The following SIRPB1 variants were observed in gnomAD, a reference collection of about 807,000 sequenced individuals.
SIRPB1 encodes the protein signal regulatory protein beta 1.
A neutral mutation model predicts 34.1 loss-of-function variants in SIRPB1; 28 were observed. That is an observed-to-expected ratio of 0.82 (90% confidence interval 0.61 to 1.12). The LOEUF is 1.12. Among genes scored for constraint, SIRPB1 ranks in the 50% most tolerant of loss-of-function variants. The probability of loss-of-function intolerance (pLI) is 0.00; values close to 1 mark genes in which losing one functional copy is unlikely to be tolerated. For missense variants in SIRPB1, 499 were observed against 507.0 expected (o/e 0.98, Z 0.15); for synonymous variants, 211 against 203.8 (o/e 1.04, Z -0.30).
At chr20:1,617,334 C>T (rs2091644526) in intron 1 of SIRPB1, among the ~76,000 whole-genome samples, 1 of 152,102 alleles carries the variant, frequency 6.6e-6, no homozygotes, top group South Asian at 2.1e-4. Context: ...TTGGTATACA[C>T]AATGGAATTC....
At chr20:1,613,748 A>T (rs1312314341) in intron 1 of SIRPB1, among the ~76,000 whole-genome samples, 1 of 152,240 alleles carries the variant, frequency 6.6e-6, no homozygotes, top group Non-Finnish European at 1.5e-5. Flanking sequence ...AGACGTTATC[A>T]AATGTATCAA....
At chr20:1,565,858 T>C (rs2091121745) in intron 5 of SIRPB1, among the ~76,000 whole-genome samples, 1 of 151,936 alleles carries the variant, frequency 6.6e-6, no homozygotes, top group African/African-American at 2.4e-5. Context: ...GGCCCTCACT[T>C]AGACCCCTCT....
At chr20:1,596,552 G>T (rs1045894965) in intron 1 of SIRPB1, among the ~76,000 whole-genome samples, 1 of 48,764 alleles carries the variant, frequency 2.1e-5, no homozygotes, top group African/African-American at 1.3e-4. Context: ...GGACTGCCCT[G>T]TATTTAGTAT....
At chr20:1,572,509 A>G (rs2091257435) in intron 2 of SIRPB1, among the ~76,000 whole-genome samples, 1 of 150,746 alleles carries the variant, frequency 6.6e-6, no homozygotes, top group African/African-American at 2.4e-5. Context: ...TGACAACCCC[A>G]GCTCCTCATC....
In SIRPB1 at chr20:1,610,845, A is replaced by G. The variant is rs1168905593; in HGVS notation, c.76+9024T>C. Among the ~76,000 whole-genome samples the G allele has an allele frequency of 2.7e-5, 2 of 72,946 alleles. 1 individual carries two copies. Among genetic ancestry groups the G allele is most frequent in the Non-Finnish European group, 5.2e-5 (2 of 38,740 alleles). 47.9% of individuals were successfully genotyped at this position (72,946 alleles called of 152,430 possible). A position where few individuals can be genotyped will look rare whatever the true frequency, so the allele number is the denominator to read the frequency against. On this transcript the variant is annotated intron_variant, in intron 1 of 5. Transcript: ENST00000381605. Reference sequence around the variant, plus strand: ...TCATGAGCTGGACAGATTTCTCCTCATTAGAAGGGAAGAGAATGTAAGCTT... The same window carrying G: ...TCATGAGCTGGACAGATTTCTCCTCGTTAGAAGGGAAGAGAATGTAAGCTT...
At chr20:1,613,914 A>G (rs1182442098) in intron 1 of SIRPB1, among the ~76,000 whole-genome samples, 2 of 152,236 alleles carry the variant, frequency 1.3e-5, no homozygotes, top group Non-Finnish European at 2.9e-5. Flanking sequence ...GAACTCAAAA[A>G]TAAACTCAGA....
rs963437894 is a variant in SIRPB1, at chr20:1,564,470, G to T, written c.*1030C>A. The T allele has an allele frequency of 6.5e-6, 1 of 154,324 alleles. No homozygotes were observed. Among genetic ancestry groups the T allele is most frequent in the African/African-American group, 2.4e-5 (1 of 41,538 alleles). 9.6% of individuals were successfully genotyped at this position (154,324 alleles called of 1,614,324 possible). Reference sequence around the variant, plus strand: ...GGAGCCATGCAGCTGTGTTGGGGAAGAAGCAGAGAAGTGATATGATTTGAC... The same window carrying T: ...GGAGCCATGCAGCTGTGTTGGGGAATAAGCAGAGAAGTGATATGATTTGAC... On this transcript the variant is annotated 3_prime_UTR_variant, in exon 6 of 6. Coordinates refer to ENST00000381605, the MANE Select transcript of SIRPB1 (RefSeq NM_006065.5).
chr20:1,613,854 T>G (rs2091592486), intron 1 of SIRPB1, among the ~76,000 whole-genome samples: 1 of 152,134 alleles, frequency 6.6e-6, no homozygotes, highest in South Asian at 2.1e-4. Flanking sequence ...CTTCACAGAC[T>G]AGATAAAATA....
chr20:1,578,121 C>T (rs2091343450), intron 2 of SIRPB1: 1 of 576,328 alleles, frequency 1.7e-6, no homozygotes, highest in East Asian at 2.8e-5. Context: ...ACTGGGGATG[C>T]CTTCTGTCCC....
In SIRPB1 at chr20:1,586,850, G is replaced by A. The variant is rs2091425441; in HGVS notation, c.77-8156C>T. On this transcript the variant is annotated intron_variant, in intron 1 of 5. Transcript: ENST00000381605. ...CCACTGCACACGTGTGTGTGCGTGT[G>A]TGTGTACACATTCACAAATATATAT... Among the ~76,000 whole-genome samples the A allele has an allele frequency of 4.0e-5, 2 of 49,576 alleles. 1 individual carries two copies. The highest frequency in any genetic ancestry group is 7.8e-5 in the Non-Finnish European group (2 of 25,570). 32.5% of individuals were successfully genotyped at this position (49,576 alleles called of 152,430 possible). A position where few individuals can be genotyped will look rare whatever the true frequency, so the allele number is the denominator to read the frequency against.
rs184941870 is a variant in SIRPB1, at chr20:1,570,788, A to C, written c.1084+17T>G. 234 of 1,557,008 alleles carry C rather than the reference A, an allele frequency of 1.5e-4. 2 individuals are homozygous for C. The East Asian group carries it at 4.2e-3, about 28-fold the overall frequency. ...TTAAAGAAAAAGACAAAATTTAAAA[A>C]TGGGAAGTAACCGCACCATGGGTGA... On this transcript the variant is annotated intron_variant, in intron 4 of 5. Coordinates refer to ENST00000381605, the MANE Select transcript of SIRPB1 (RefSeq NM_006065.5).
intron 1 of SIRPB1, among the ~76,000 whole-genome samples, chr20:1,615,319 A>G (rs2091614160): frequency 6.6e-6 from 1 of 152,180 alleles, no homozygotes; most frequent in Non-Finnish European, 1.5e-5. Context: ...AGCTTTTGCT[A>G]TACTCCATTA....
chr20:1,598,913 G>C lies in SIRPB1; in HGVS notation c.77-20219C>G, dbSNP rs747849723. On this transcript the variant is annotated intron_variant, in intron 1 of 5. Transcript: ENST00000381605. ...CCCAGGAGGAAAGCTATGAGAAGTGGAGCAGCAGAAGCCAGTGCTGGGCCT... is the reference window on the plus strand; with the variant it reads ...CCCAGGAGGAAAGCTATGAGAAGTGCAGCAGCAGAAGCCAGTGCTGGGCCT... The C allele has an allele frequency of 6.1e-5, 35 of 571,250 alleles. 15 individuals are homozygous for C. Among genetic ancestry groups the C allele is most frequent in the Non-Finnish European group, 8.1e-5 (35 of 431,828 alleles). 35.4% of individuals were successfully genotyped at this position (571,250 alleles called of 1,614,324 possible). A position where few individuals can be genotyped will look rare whatever the true frequency, so the allele number is the denominator to read the frequency against.
chr20:1,571,047 C>T lies in SIRPB1; in HGVS notation c.842G>A (p.Gly281Glu). 1 of 1,614,172 alleles carries T rather than the reference C, an allele frequency of 6.2e-7. No homozygotes were observed. The highest frequency in any genetic ancestry group is 2.2e-5 in the East Asian group (1 of 44,882). Residue 281 changes from glycine to glutamate, a missense_variant, in exon 4 of 6, where the codon GGA becomes GAA. By Grantham distance (98) the Gly-to-Glu change is moderately conservative. Coordinates refer to ENST00000381605, the MANE Select transcript of SIRPB1 (RefSeq NM_006065.5). The stretch of plus-strand genomic sequence containing the variant: ...ATTCTCCAACCAGGTCAGCTGTAGT[C>T]CCCGGGGGTAGAAATTGCTCACCTG... ...TCQVSNFYPR[G>E]LQLTWLENGN...
At chr20:1,615,367 G>A (rs2091614994) in intron 1 of SIRPB1, among the ~76,000 whole-genome samples, 1 of 152,086 alleles carries the variant, frequency 6.6e-6, no homozygotes, top group Non-Finnish European at 1.5e-5. Flanking sequence ...GGCTCTCCTG[G>A]CTTAGAGTCC....
intron 1 of SIRPB1, among the ~76,000 whole-genome samples, chr20:1,618,470 C>G (rs1424322948): frequency 1.3e-5 from 2 of 152,212 alleles, no homozygotes; most frequent in Non-Finnish European, 2.9e-5. Flanking sequence ...AGCTTTCACA[C>G]AGGGATGTTG....
In SIRPB1 at chr20:1,578,665, T is replaced by C; in HGVS notation, c.106A>G (p.Ile36Val). 1 of 1,583,966 alleles carries C rather than the reference T, an allele frequency of 6.3e-7. No individual in the cohort carries two copies. The highest frequency in any genetic ancestry group is 1.7e-4 in the Middle Eastern group (1 of 5,896). ...GVAGEDELQV[I>V]QPEKSVSVAA... ...ACTGATACGGACTTTTCAGGCTGAA[T>C]CACCTGTAGCTCGTCCTCACCTGCC... Residue 36 changes from isoleucine (I) to valine (V), a missense_variant, in exon 2 of 6, where the codon ATT (isoleucine) becomes GTT (valine). Physicochemically the swap from Ile to Val is conservative, Grantham distance 29. Coordinates refer to ENST00000381605, the MANE Select transcript of SIRPB1 (RefSeq NM_006065.5).
At chr20:1,601,129 A>G (rs1333085627) in intron 1 of SIRPB1, among the ~76,000 whole-genome samples, 1 of 49,144 alleles carries the variant, frequency 2.0e-5, no homozygotes, top group Non-Finnish European at 3.9e-5. Flanking sequence ...TCTTGGCAGC[A>G]GTGTAGATTG....
intron 1 of SIRPB1, among the ~76,000 whole-genome samples, chr20:1,608,159 A>AC (rs1272298605): frequency 1.4e-5 from 2 of 144,146 alleles, no homozygotes; most frequent in Non-Finnish European, 3.1e-5. Context: ...TACAGAGAGA[A>AC]CCTTACGCTT....
Sources: allele counts gnomAD v4.1 joint callset (sites outside exome capture counted in the v4.1 genomes callset), GRCh38; gene constraint gnomAD v4.1.1; transcripts MANE v1.5; gene names NCBI Gene and HGNC (gene_info 2026-07-23, HGNC 2026-07-21).